ZFHX3: variants seen among roughly 807,000 people sequenced by gnomAD.
ZFHX3 encodes zinc finger homeobox 3.
In ZFHX3, 42 loss-of-function variants were observed where a neutral mutation model predicts 279.1. The ratio of observed to expected loss-of-function variants is 0.15; its 90% confidence interval spans 0.12 to 0.19. ZFHX3 has a LOEUF of 0.19. Ranked by LOEUF, ZFHX3 falls within the 10% of genes least tolerant of loss-of-function variation. ZFHX3 has a pLI of 1.00. For missense variants in ZFHX3, 4,981 were observed against 4,754.0 expected (o/e 1.05, Z -1.40); for synonymous variants, 2,293 against 1,957.8 (o/e 1.17, Z -4.52).
intron 1 of ZFHX3, among the ~76,000 whole-genome samples, chr16:73,016,811 G>A (rs761731431): frequency 1.3e-5 from 2 of 151,992 alleles, no homozygotes; most frequent in Non-Finnish European, 1.5e-5. Context: ...ACAGCAGAGT[G>A]GCTCCGAGCA....
chr16:72,985,515 C>T (rs907133353), intron 1 of ZFHX3, among the ~76,000 whole-genome samples: 2 of 152,204 alleles, frequency 1.3e-5, no homozygotes, highest in Non-Finnish European at 2.9e-5. Context: ...CTGAGAACAA[C>T]ATTGGACTGG....
intron 1 of ZFHX3, among the ~76,000 whole-genome samples, chr16:73,775,832 C>G (rs977983302): frequency 3.3e-5 from 5 of 152,022 alleles, no homozygotes; most frequent in Admixed American, 2.6e-4. Context: ...GTGATGGGGC[C>G]CCCAGTAGAA....
At chr16:73,365,942 G>A (rs553478368) in intron 3 of ZFHX3, among the ~76,000 whole-genome samples, 2 of 152,208 alleles carry the variant, frequency 1.3e-5, no homozygotes, top group Admixed American at 6.5e-5. Context: ...GGTGAAAAGG[G>A]AAGAGTCCAG....
chr16:73,673,754 G>A (rs867308769), intron 2 of ZFHX3, among the ~76,000 whole-genome samples: 1 of 152,192 alleles, frequency 6.6e-6, no homozygotes, highest in Non-Finnish European at 1.5e-5. Context: ...AGGGATAACA[G>A]CAGGGCAGGC....
intron 4 of ZFHX3, among the ~76,000 whole-genome samples, chr16:72,889,188 C>G (rs915919328): frequency 6.6e-6 from 1 of 151,998 alleles, no homozygotes; most frequent in African/African-American, 2.4e-5. Flanking sequence ...CAAGAAACAC[C>G]CAGAATCACT....
intron 2 of ZFHX3, among the ~76,000 whole-genome samples, chr16:73,674,707 G>A (rs577859341): frequency 6.6e-6 from 1 of 152,308 alleles, no homozygotes; most frequent in Non-Finnish European, 1.5e-5. Flanking sequence ...TCTAAGCCAA[G>A]TGACTAAATC....
Position 73,011,621 on chromosome 16 carries a change from G to A in ZFHX3, c.-50+36131C>T, listed in dbSNP as rs1041302035. Reference sequence around the variant, plus strand: ...CTGGGCTTGGTGGCGCTACTCAGGAGGCTGAGGCAGGAGAATCACTTGAAC... The same window carrying A: ...CTGGGCTTGGTGGCGCTACTCAGGAAGCTGAGGCAGGAGAATCACTTGAAC... On this transcript the variant is annotated intron_variant, in intron 1 of 9. Transcript: ENST00000268489. Among the ~76,000 whole-genome samples the A allele has an allele frequency of 4.6e-5, 7 of 152,176 alleles. No homozygotes were observed. In the East Asian group the frequency reaches 1.4e-3, roughly 30 times the overall value.
intron 2 of ZFHX3, among the ~76,000 whole-genome samples, chr16:73,533,025 G>A (rs568814736): frequency 2.6e-5 from 4 of 152,202 alleles, no homozygotes; most frequent in Admixed American, 6.5e-5. Flanking sequence ...CCCAGTCTTC[G>A]GTATTTCATC....
Position 73,241,119 on chromosome 16 carries a change from G to A in ZFHX3, c.-1104+15928C>T, listed in dbSNP as rs547818714. 6.6e-5 allele frequency among the ~76,000 whole-genome samples: 10 copies of A among 152,272 alleles called. No individual in the cohort carries two copies. In the East Asian group the frequency reaches 9.7e-4, roughly 15 times the overall value. ...CCCACTGGAAGCTGAAGGACCTCCC[G>A]CTGTTTATGATTTAAAGTCGGCCTT... is the stretch of plus-strand genomic sequence containing the variant. On this transcript the variant is annotated intron_variant, in intron 5 of 17. Transcript: ENST00000641206.
intron 5 of ZFHX3, among the ~76,000 whole-genome samples, chr16:72,816,917 G>A (rs1315604456): frequency 6.6e-6 from 1 of 152,196 alleles, no homozygotes; most frequent in East Asian, 1.9e-4. Context: ...ATTTGTTTTA[G>A]AAGTATTAAA....
At chr16:73,051,977 C>G (rs1002646171), upstream of ZFHX3, among the ~76,000 whole-genome samples, 1 of 152,156 alleles carries the variant, frequency 6.6e-6, no homozygotes. Flanking sequence ...GCATCGCAAT[C>G]TGGGTCCATA....
At chr16:73,728,018 C>CCCCG (rs1555535433) in intron 1 of ZFHX3, among the ~76,000 whole-genome samples, 1 of 80,892 alleles carries the variant, frequency 1.2e-5, no homozygotes, top group Non-Finnish European at 2.6e-5. Context: ...GAATTGTGCC[C>CCCCG]CCCCCCCGCC....
intron 2 of ZFHX3, among the ~76,000 whole-genome samples, chr16:73,474,373 T>C (rs745307767): frequency 6.6e-6 from 1 of 152,198 alleles, no homozygotes; most frequent in Non-Finnish European, 1.5e-5. Flanking sequence ...GGTCTCGAAC[T>C]CCTGACCTCA....
chr16:73,775,105 T>C (rs992176001), intron 1 of ZFHX3, among the ~76,000 whole-genome samples: 9 of 152,140 alleles, frequency 5.9e-5, no homozygotes, highest in African/African-American at 1.9e-4. Flanking sequence ...ATTCAAAACA[T>C]GAGATTTCCA....
intron 1 of ZFHX3, among the ~76,000 whole-genome samples, chr16:73,801,328 C>A (rs1189038747): frequency 6.6e-6 from 1 of 152,092 alleles, no homozygotes; most frequent in Non-Finnish European, 1.5e-5. Context: ...AGGGAATGAC[C>A]AATACATATT....
intron 4 of ZFHX3, among the ~76,000 whole-genome samples, chr16:72,888,584 A>T (rs1188718386): frequency 1.3e-5 from 2 of 152,242 alleles, no homozygotes; most frequent in East Asian, 3.9e-4. Context: ...CACCAGCCAG[A>T]GTCAGGCTTG....
intron 5 of ZFHX3, among the ~76,000 whole-genome samples, chr16:73,241,911 T>C (rs962733082): frequency 2.6e-4 from 40 of 151,938 alleles, no homozygotes; most frequent in African/African-American, 9.2e-4. Context: ...AGTATTGTGA[T>C]CCTAAAACGT....
intron 4 of ZFHX3, among the ~76,000 whole-genome samples, chr16:73,280,605 G>T (rs1038638911): frequency 6.6e-6 from 1 of 152,084 alleles, no homozygotes; most frequent in African/African-American, 2.4e-5. Flanking sequence ...AAAAAGGCAA[G>T]TGTTGGTGAT....
At chr16:73,542,786 TATC>T (rs897715084) in intron 2 of ZFHX3, among the ~76,000 whole-genome samples, 98 of 147,718 alleles carry the variant, frequency 6.6e-4, no homozygotes, top group Non-Finnish European at 2.9e-4. Flanking sequence ...TAAAAAAAAA[TATC>T]ATGTATCTGA....
Sources: gnomAD v4.1 joint callset for allele counts (sites outside exome capture counted in the v4.1 genomes callset) on GRCh38, gnomAD v4.1.1 for gene constraint, MANE v1.5 for transcripts, NCBI Gene and HGNC (gene_info 2026-07-23, HGNC 2026-07-21) for gene names.